Variants in KLHL20 observed in about 807,000 individuals in gnomAD.
The protein encoded by KLHL20 is kelch-like protein 20.
A neutral mutation model predicts 69.5 loss-of-function variants in KLHL20; 29 were observed. That is an observed-to-expected ratio of 0.42 (90% CI 0.31 to 0.57). The LOEUF (loss-of-function observed/expected upper bound fraction) is 0.57. Ranked by LOEUF, KLHL20 falls within the 20% of genes least tolerant of loss-of-function variation. The pLI is 0.18. For synonymous variants in KLHL20, 253 were observed against 265.2 expected, an observed-to-expected ratio of 0.95 and a Z score of 0.45; for missense variants, 419 against 776.0, an observed-to-expected ratio of 0.54 and a Z score of 5.47.
intron 8 of KLHL20, among the ~76,000 whole-genome samples, chr1:173,767,043 A>G (rs1035406644): frequency 2.6e-5 from 4 of 152,180 alleles, no homozygotes; most frequent in Admixed American, 6.5e-5. Flanking sequence ...TCATTTACCA[A>G]GATTTCCTCA....
At chr1:173,721,092 A>G (rs1671693734) in intron 2 of KLHL20, among the ~76,000 whole-genome samples, 1 of 152,204 alleles carries the variant, frequency 6.6e-6, no homozygotes, top group Admixed American at 6.5e-5. Context: ...GGTGTTTACG[A>G]TGGGGCCTAG....
At chr1:173,751,078 C>A (rs192308512) in intron 3 of KLHL20, among the ~76,000 whole-genome samples, 1 of 152,218 alleles carries the variant, frequency 6.6e-6, no homozygotes, top group East Asian at 1.9e-4. Flanking sequence ...GTGACTGTTT[C>A]TTTCCTCTGC....
chr1:173,742,965 A>G (rs1373944184), intron 3 of KLHL20, among the ~76,000 whole-genome samples: 1 of 151,818 alleles, frequency 6.6e-6, no homozygotes, highest in Non-Finnish European at 1.5e-5. Context: ...AAAAAGCATC[A>G]TGAACTAAAA....
intron 7 of KLHL20, among the ~76,000 whole-genome samples, chr1:173,760,844 A>G (rs986819410): frequency 1.3e-5 from 2 of 152,234 alleles, no homozygotes; most frequent in Admixed American, 6.5e-5. Context: ...ACCAAAGTAC[A>G]TAGGCAAGAA....
At chr1:173,724,010 G>A (rs74475932) in intron 2 of KLHL20, among the ~76,000 whole-genome samples, 4,437 of 151,956 alleles carry the variant, frequency 0.029, 92 homozygotes, top group Non-Finnish European at 0.046. Context: ...CTTTATTGAG[G>A]TATAATTGAG....
Position 173,751,816 on chromosome 1 carries a change from T to C in KLHL20, c.650T>C (p.Ile217Thr), listed in dbSNP as rs1477729180. ...CTTCCAGCCAATCAACTCATTGATATAATATCCAGTGATGAGCTAAACGTT... is the reference window on the plus strand; with the variant it reads ...CTTCCAGCCAATCAACTCATTGATACAATATCCAGTGATGAGCTAAACGTT... Reference protein sequence around the residue: ...MLLPANQLIDIISSDELNVRS... With the variant: ...MLLPANQLIDTISSDELNVRS... Residue 217 changes from isoleucine to threonine, a missense_variant, in exon 4 of 12, where the codon ATA becomes ACA. This residue lies in a region of KLHL20 where 99 missense variants were observed against 240.7 expected (regional missense o/e 0.41). Coordinates refer to ENST00000209884, the MANE Select transcript of KLHL20 (RefSeq NM_014458.4). 2 of 1,614,008 alleles carry C rather than the reference T, an allele frequency of 1.2e-6. No individual in the cohort carries two copies. The highest frequency in any genetic ancestry group is 1.1e-5 in the South Asian group (1 of 91,088).
chr1:173,762,404 C>T (rs1255235278), intron 7 of KLHL20, among the ~76,000 whole-genome samples: 1 of 152,068 alleles, frequency 6.6e-6, no homozygotes, highest in Non-Finnish European at 1.5e-5. Flanking sequence ...CACCCTAATA[C>T]CAAAACCAGG....
At chr1:173,755,256 A>C (rs1673497130) in intron 5 of KLHL20, among the ~76,000 whole-genome samples, 1 of 151,972 alleles carries the variant, frequency 6.6e-6, no homozygotes, top group African/African-American at 2.4e-5. Flanking sequence ...ACGGGGTTTC[A>C]CCATATTGGC....
At chr1:173,731,648 A>G (rs570547071) in intron 2 of KLHL20, among the ~76,000 whole-genome samples, 53 of 146,604 alleles carry the variant, frequency 3.6e-4, no homozygotes, top group African/African-American at 1.2e-3. Flanking sequence ...GTTCTCACTT[A>G]TAGGTGGGAA....
Position 173,762,770 on chromosome 1 carries a change from A to C in KLHL20, c.1152-3376A>C, listed in dbSNP as rs542375927. 5.9e-5 allele frequency among the ~76,000 whole-genome samples: 9 copies of C among 152,300 alleles called. No homozygotes were observed. In the South Asian group the frequency reaches 1.9e-3, roughly 32 times the overall value. ...TCTATAACAAACCCACAGCCAACAT[A>C]CTGAATGGGGAAAAGTTGAAAGCAT... On this transcript the variant is annotated intron_variant, in intron 7 of 11. Coordinates refer to ENST00000209884, the MANE Select transcript of KLHL20 (RefSeq NM_014458.4).
At position 173,729,080 on chromosome 1, in the gene KLHL20, A is replaced by T. The variant is rs572487978; in HGVS notation, c.24-4633A>T. On this transcript the variant is annotated intron_variant, in intron 2 of 11. Transcript: ENST00000209884. The stretch of plus-strand genomic sequence containing the variant: ...TCCCACAGAAATACAAACTACCATC[A>T]GAGAATACTATAAACACCTCTGTGC... Among the ~76,000 whole-genome samples, 35 of 152,364 alleles carry T rather than the reference A, an allele frequency of 2.3e-4. No individual in the cohort carries two copies. The South Asian group carries it at 3.3e-3, about 14-fold the overall frequency.
intron 8 of KLHL20, 81 bp from the exon 9 acceptor site, chr1:173,774,224 A>G: frequency 6.5e-7 from 1 of 1,532,820 alleles, no homozygotes; most frequent in Non-Finnish European, 9.0e-7. Flanking sequence ...TACTCAGTAT[A>G]TCGTTAGTGT....
intron 5 of KLHL20, among the ~76,000 whole-genome samples, chr1:173,753,911 A>C (rs183292434): frequency 6.6e-6 from 1 of 152,246 alleles, no homozygotes; most frequent in Non-Finnish European, 1.5e-5. Context: ...GTAATAAATT[A>C]CATTCCCAAT....
At chr1:173,767,270 C>A (rs10912687) in intron 8 of KLHL20, among the ~76,000 whole-genome samples, 9,531 of 152,158 alleles carry the variant, frequency 0.063, 961 homozygotes, top group African/African-American at 0.21. Context: ...ATATATGCCA[C>A]ATTTTCTGTA....
At chr1:173,763,900 A>C (rs1379016122) in intron 7 of KLHL20, among the ~76,000 whole-genome samples, 2 of 151,808 alleles carry the variant, frequency 1.3e-5, no homozygotes, top group African/African-American at 4.8e-5. Flanking sequence ...GACCTAATTA[A>C]ACTAAAGAGC....
intron 10 of KLHL20, among the ~76,000 whole-genome samples, chr1:173,780,817 C>T (rs1268231275): frequency 6.6e-6 from 1 of 151,934 alleles, no homozygotes; most frequent in East Asian, 1.9e-4. Flanking sequence ...GCAACCTCCA[C>T]CTCCCGGGCT....
chr1:173,736,321 C>T (rs1470227161), intron 3 of KLHL20, among the ~76,000 whole-genome samples: 1 of 151,974 alleles, frequency 6.6e-6, no homozygotes, highest in Non-Finnish European at 1.5e-5. Context: ...TTTTCTTTAT[C>T]CACTTGTTGA....
chr1:173,777,904 A>G (rs1002801952), intron 10 of KLHL20, among the ~76,000 whole-genome samples: 1 of 152,114 alleles, frequency 6.6e-6, no homozygotes, highest in Non-Finnish European at 1.5e-5. Context: ...TGGTTTTGGT[A>G]TCAGGGTAAT....
intron 5 of KLHL20, among the ~76,000 whole-genome samples, 181 bp from the exon 6 acceptor site, chr1:173,755,742 C>T (rs1374349621): frequency 6.6e-6 from 1 of 152,184 alleles, no homozygotes; most frequent in Non-Finnish European, 1.5e-5. Context: ...CAATTCACAA[C>T]TCAGTTTGAC....
Sources: allele counts gnomAD v4.1 joint callset (sites outside exome capture counted in the v4.1 genomes callset), GRCh38; gene constraint gnomAD v4.1.1; regional missense constraint gnomAD v4.1.1; transcripts MANE v1.5; gene names NCBI Gene and HGNC (gene_info 2026-07-23, HGNC 2026-07-21).